The following PTCSC3 variants were observed in gnomAD, a reference collection of about 807,000 sequenced individuals.
PTCSC3 encodes papillary thyroid carcinoma susceptibility candidate 3 (non-protein coding).
chr14:36,173,691 T>C (rs1288148063), intron 1 of PTCSC3, among the ~76,000 whole-genome samples: 1 of 152,114 alleles, frequency 6.6e-6, no homozygotes, highest in Non-Finnish European at 1.5e-5. Context: ...GCCTATCTTA[T>C]TTAACATTCC....
chr14:36,146,048 C>G (rs1881558228), intron 3 of PTCSC3, among the ~76,000 whole-genome samples: 1 of 151,392 alleles, frequency 6.6e-6, no homozygotes, highest in Non-Finnish European at 1.5e-5. Context: ...AATCTCTGTT[C>G]TTTTACATTT....
chr14:36,151,946 A>G (rs1221183162), intron 3 of PTCSC3, among the ~76,000 whole-genome samples: 3 of 152,106 alleles, frequency 2.0e-5, no homozygotes, highest in Non-Finnish European at 2.9e-5. Context: ...TGGAGGGAAA[A>G]CTCATGAAAA....
intron 3 of PTCSC3, among the ~76,000 whole-genome samples, chr14:36,145,417 A>T (rs1594445791): frequency 6.7e-6 from 1 of 148,900 alleles, no homozygotes; most frequent in Admixed American, 6.7e-5. Flanking sequence ...GAATTTATCC[A>T]TTTCTTCTAG....
chr14:36,171,770 A>G (rs1882198079), intron 1 of PTCSC3, among the ~76,000 whole-genome samples: 1 of 152,198 alleles, frequency 6.6e-6, no homozygotes. Flanking sequence ...GTTTTGCCAC[A>G]TGAGGAGGCT....
intron 3 of PTCSC3, among the ~76,000 whole-genome samples, chr14:36,148,990 A>G (rs1881661396): frequency 6.6e-6 from 1 of 151,278 alleles, no homozygotes; most frequent in African/African-American, 2.4e-5. Context: ...CCCTTTTTCA[A>G]TTTTGTTAAT....
intron 3 of PTCSC3, among the ~76,000 whole-genome samples, chr14:36,137,481 G>C (rs2139085218): frequency 6.6e-6 from 1 of 152,258 alleles, no homozygotes; most frequent in Non-Finnish European, 1.5e-5. Flanking sequence ...ATTGGAGAAG[G>C]GGGCAAATAA....
At chr14:36,157,323 A>G (rs994216823) in intron 2 of PTCSC3, among the ~76,000 whole-genome samples, 5 of 152,122 alleles carry the variant, frequency 3.3e-5, no homozygotes, top group Admixed American at 2.6e-4. Context: ...GGATAGATTG[A>G]AAAAATTTTC....
intron 3 of PTCSC3, among the ~76,000 whole-genome samples, chr14:36,137,633 T>C (rs192218984): frequency 6.6e-6 from 1 of 152,156 alleles, no homozygotes; most frequent in Admixed American, 6.5e-5. Flanking sequence ...TGCTATTGGA[T>C]TGGATATATT....
exon 4 of PTCSC3, chr14:36,136,143 C>T (rs774458322): frequency 1.3e-5 from 2 of 152,180 alleles, no homozygotes; most frequent in Non-Finnish European, 2.9e-5. Context: ...TTTCTGCCTA[C>T]TTTATCTTCT....
At chr14:36,171,678 C>T (rs540203104) in intron 1 of PTCSC3, among the ~76,000 whole-genome samples, 11 of 152,114 alleles carry the variant, frequency 7.2e-5, no homozygotes, top group African/African-American at 1.9e-4. Context: ...GTTTCAACCC[C>T]GGGGGAAAAT....
intron 3 of PTCSC3, among the ~76,000 whole-genome samples, chr14:36,137,225 G>T (rs1881308243): frequency 6.6e-6 from 1 of 152,022 alleles, no homozygotes; most frequent in African/African-American, 2.4e-5. Flanking sequence ...AAGCACAAAG[G>T]CCCTGAAATG....
At chr14:36,163,449 T>C (rs1212038277) in intron 1 of PTCSC3, among the ~76,000 whole-genome samples, 1 of 149,232 alleles carries the variant, frequency 6.7e-6, no homozygotes, top group East Asian at 2.0e-4. Context: ...AAGAAATACA[T>C]TAAGGAACTA....
At chr14:36,174,093 G>A (rs1882238933) in intron 1 of PTCSC3, among the ~76,000 whole-genome samples, 1 of 151,988 alleles carries the variant, frequency 6.6e-6, no homozygotes, top group Non-Finnish European at 1.5e-5. Context: ...TCCCGTGTGG[G>A]TTCGTTGAAA....
intron 1 of PTCSC3, among the ~76,000 whole-genome samples, chr14:36,170,293 C>T (rs1006807548): frequency 5.3e-5 from 8 of 151,762 alleles, no homozygotes; most frequent in South Asian, 2.1e-4. Flanking sequence ...GAGTTCAAAC[C>T]GATTTCTCAG....
intron 2 of PTCSC3, among the ~76,000 whole-genome samples, chr14:36,154,905 C>A (rs1017704697): frequency 6.6e-6 from 1 of 152,088 alleles, no homozygotes; most frequent in African/African-American, 2.4e-5. Flanking sequence ...ATTGAGTCAC[C>A]AAATGAAGGA....
chr14:36,153,236 A>T (rs1881761267), intron 3 of PTCSC3, among the ~76,000 whole-genome samples: 1 of 152,146 alleles, frequency 6.6e-6, no homozygotes, highest in Admixed American at 6.5e-5. Context: ...CACTCTTCTG[A>T]CCTAATTACT....
At chr14:36,136,278 A>C (rs1359714341) in exon 4 of PTCSC3, 5 of 152,600 alleles carry the variant, frequency 3.3e-5, no homozygotes, top group Non-Finnish European at 5.8e-5. Context: ...CAGGAACAAT[A>C]CTTTGCATCC....
At chr14:36,162,914 A>G (rs577140352) in intron 1 of PTCSC3, among the ~76,000 whole-genome samples, 53 of 152,314 alleles carry the variant, frequency 3.5e-4, no homozygotes, top group African/African-American at 1.2e-3. Context: ...TCTTCAACGG[A>G]AGTGTTTTTA....
chr14:36,162,456 T>G lies in PTCSC3; in HGVS notation n.231+168A>C, dbSNP rs527448438. ...GCACCCTTCCTCATGGCACAGTCCC[T>G]CTGGGCTTCCCTTGGCTAGGGGAGG... On this transcript the variant is annotated intron_variant and non_coding_transcript_variant, in intron 2 of 3. Transcript: ENST00000556013. 5.3e-5 allele frequency among the ~76,000 whole-genome samples: 8 copies of G among 152,174 alleles called. No individual in the cohort carries two copies. In the East Asian group the frequency reaches 1.6e-3, roughly 30 times the overall value.
Sources: allele counts gnomAD v4.1 joint callset (sites outside exome capture counted in the v4.1 genomes callset), GRCh38; gene constraint gnomAD v4.1.1; transcripts MANE v1.5; gene names NCBI Gene and HGNC (gene_info 2026-07-23, HGNC 2026-07-21).